EIF2AK2: variants seen among roughly 807,000 people sequenced by gnomAD.
EIF2AK2 encodes the protein eukaryotic translation initiation factor 2 alpha kinase 2.
EIF2AK2 carries 40 observed loss-of-function variants against 70.5 expected under a neutral mutation model. The observed-to-expected ratio is 0.57, with a 90% CI of 0.44 to 0.74. The LOEUF (loss-of-function observed/expected upper bound fraction) is 0.74, where lower values mean the gene tolerates loss of function less well. Among genes scored for constraint, EIF2AK2 ranks in the 30% least tolerant of loss-of-function variants. The pLI, the probability that EIF2AK2 is intolerant of heterozygous loss-of-function variation, is 0.00. For synonymous variants in EIF2AK2, 198 were observed against 220.9 expected (o/e 0.90, Z 0.92); for missense variants, 555 against 644.3 (o/e 0.86, Z 1.50).
chr2:37,124,204 G>A (rs1674653788), intron 11 of EIF2AK2, among the ~76,000 whole-genome samples: 1 of 152,032 alleles, frequency 6.6e-6, no homozygotes, highest in Non-Finnish European at 1.5e-5. Flanking sequence ...CTGACCTCAA[G>A]TGATCCACCA....
chr2:37,136,008 C>T (rs964113569), intron 9 of EIF2AK2, among the ~76,000 whole-genome samples: 3 of 152,168 alleles, frequency 2.0e-5, no homozygotes, highest in African/African-American at 7.2e-5. Context: ...TCCTCTGGTT[C>T]CTTTTTCCAC....
chr2:37,114,625 T>C (rs898629476), intron 14 of EIF2AK2, 106 bp downstream of exon 14: 1 of 1,037,512 alleles, frequency 9.6e-7, no homozygotes, highest in African/African-American at 1.7e-5. Context: ...GGAAAATTTT[T>C]AGTATATACT....
chr2:37,127,488 A>C (rs1313685779), intron 10 of EIF2AK2, among the ~76,000 whole-genome samples: 1 of 152,078 alleles, frequency 6.6e-6, no homozygotes, highest in Non-Finnish European at 1.5e-5. Flanking sequence ...TCCTCATCTC[A>C]TGGCACTGTG....
At chr2:37,146,406 G>C (rs1675540478) in intron 4 of EIF2AK2, among the ~76,000 whole-genome samples, 1 of 152,230 alleles carries the variant, frequency 6.6e-6, no homozygotes, top group Non-Finnish European at 1.5e-5. Context: ...TTGAGCATCA[G>C]TGAATTTTGG....
Position 37,107,102 on chromosome 2 carries a change from G to T in EIF2AK2, c.*171C>A. ...AAAAGTAAAATGTAAGAATGTTTTTGAAGCAAAAAGAAGAAAACCTTTCTG... is the reference window on the plus strand; with the variant it reads ...AAAAGTAAAATGTAAGAATGTTTTTTAAGCAAAAAGAAGAAAACCTTTCTG... On this transcript the variant is annotated 3_prime_UTR_variant, in exon 17 of 17. Transcript: ENST00000233057. 6 of 787,816 alleles carry T rather than the reference G, an allele frequency of 7.6e-6. No homozygotes were observed. Among genetic ancestry groups the T allele is most frequent in the Middle Eastern group, 4.2e-4 (1 of 2,408 alleles). The allele number at this position is 787,816 out of a possible 1,614,324, so 48.8% of individuals were successfully genotyped here. A position where few individuals can be genotyped will look rare whatever the true frequency, so the allele number is the denominator to read the frequency against.
chr2:37,139,665 G>A lies in EIF2AK2; in HGVS notation c.482C>T (p.Ala161Val). The A allele has an allele frequency of 1.2e-6, 2 of 1,614,042 alleles. No homozygotes were observed. Among genetic ancestry groups the A allele is most frequent in the South Asian group, 2.2e-5 (2 of 91,068 alleles). The part of the protein sequence containing the change: ...QEAKQLAAKL[A>V]YLQILSEETS... ...TTCTTCTGATAATATCTGAAGATAT[G>A]CAAGTTTAGCGGCCAATTGTTTTGC... Residue 161 changes from alanine to valine, a missense_variant, in exon 6 of 17, where the codon GCA (alanine) becomes GTA (valine). Transcript: ENST00000233057.
intron 1 of EIF2AK2, among the ~76,000 whole-genome samples, chr2:37,150,767 GTA>G (rs1675714533): frequency 6.6e-6 from 1 of 152,148 alleles, no homozygotes. Flanking sequence ...AAAGTGAAGT[GTA>G]TGAAATCATG....
At chr2:37,136,277 G>A (rs992970468) in intron 9 of EIF2AK2, among the ~76,000 whole-genome samples, 10 of 152,290 alleles carry the variant, frequency 6.6e-5, no homozygotes, top group African/African-American at 2.4e-4. Context: ...TCAAAGTGAA[G>A]CAATCTTCAA....
chr2:37,118,252 T>A (rs922247020), intron 13 of EIF2AK2, among the ~76,000 whole-genome samples: 2 of 151,962 alleles, frequency 1.3e-5, no homozygotes, highest in Non-Finnish European at 2.9e-5. Context: ...AGGTCAAGGC[T>A]GTAATGAGCC....
intron 13 of EIF2AK2, among the ~76,000 whole-genome samples, chr2:37,115,589 C>A (rs1674314868): frequency 6.6e-6 from 1 of 152,124 alleles, no homozygotes; most frequent in Non-Finnish European, 1.5e-5. Flanking sequence ...CAAGATAGGG[C>A]TGAACAACCA....
chr2:37,139,518 A>C (rs1675253713), intron 6 of EIF2AK2, 113 bp downstream of exon 6: 1 of 1,419,922 alleles, frequency 7.0e-7, no homozygotes, highest in African/African-American at 1.4e-5. Context: ...GAATGGAGGA[A>C]TCATTTTGCT....
intron 10 of EIF2AK2, among the ~76,000 whole-genome samples, chr2:37,129,276 C>T (rs1674857501): frequency 6.6e-6 from 1 of 152,176 alleles, no homozygotes; most frequent in South Asian, 2.1e-4. Flanking sequence ...TCCCCCACCT[C>T]TCCAGGAGTC....
At chr2:37,128,149 A>G (rs1167639739) in intron 10 of EIF2AK2, among the ~76,000 whole-genome samples, 4 of 152,114 alleles carry the variant, frequency 2.6e-5, no homozygotes, top group African/African-American at 9.7e-5. Context: ...CACAGTGCCA[A>G]TTCTATATTG....
At position 37,149,944 on chromosome 2, in the gene EIF2AK2, T is replaced by C. The variant is rs1324343607; in HGVS notation, c.-183-921A>G. Among the ~76,000 whole-genome samples, 3 of 152,182 alleles carry C rather than the reference T, an allele frequency of 2.0e-5. No homozygotes were observed. In the East Asian group the frequency reaches 5.8e-4, roughly 29 times the overall value. On this transcript the variant is annotated intron_variant, in intron 1 of 16. Coordinates refer to ENST00000233057, the MANE Select transcript of EIF2AK2 (RefSeq NM_001135651.3). Reference sequence around the variant, plus strand: ...AAGAACTGGCCAACAAAGATGAAAGTCCAACAAAGCAACGAAAAATGATAA... The same window carrying C: ...AAGAACTGGCCAACAAAGATGAAAGCCCAACAAAGCAACGAAAAATGATAA...
intron 13 of EIF2AK2, among the ~76,000 whole-genome samples, chr2:37,118,311 CT>C (rs938216844): frequency 1.3e-4 from 20 of 151,662 alleles, no homozygotes; most frequent in Non-Finnish European, 2.6e-4. Context: ...AAGACCTTGT[CT>C]CAAAAAAAAA....
chr2:37,126,965 CAGAAAAAAAAA>C (rs1674753014), intron 10 of EIF2AK2, among the ~76,000 whole-genome samples: 1 of 6,760 alleles, frequency 1.5e-4, no homozygotes, highest in Non-Finnish European at 2.9e-4. Context: ...CTCAAAAAAA[CAGAAAAAAAAA>C]AAAAAAAAAA....
intron 4 of EIF2AK2, among the ~76,000 whole-genome samples, chr2:37,142,386 G>A (rs1369661748): frequency 6.6e-6 from 1 of 152,086 alleles, no homozygotes; most frequent in African/African-American, 2.4e-5. Flanking sequence ...GCCCGCCTCA[G>A]CCTTCCAAAA....
chr2:37,132,372 A>T (rs1674973823), intron 10 of EIF2AK2, among the ~76,000 whole-genome samples: 1 of 152,150 alleles, frequency 6.6e-6, no homozygotes, highest in Non-Finnish European at 1.5e-5. Context: ...CGGGCGGATC[A>T]CGAGGTCAGG....
intron 15 of EIF2AK2, among the ~76,000 whole-genome samples, chr2:37,107,796 G>A (rs933287758): frequency 2.6e-5 from 4 of 152,120 alleles, no homozygotes; most frequent in Admixed American, 2.0e-4. Flanking sequence ...ACTTCTAACT[G>A]TTTTACAGAG....
Sources: allele counts gnomAD v4.1 joint callset (sites outside exome capture counted in the v4.1 genomes callset), GRCh38; gene constraint gnomAD v4.1.1; transcripts MANE v1.5; gene names NCBI Gene and HGNC (gene_info 2026-07-23, HGNC 2026-07-21).